Variants in HEMK2 observed in about 807,000 individuals in gnomAD.
The protein encoded by HEMK2 is methyltransferase HEMK2.
At chr21:28,613,346 A>G in the HEMK2 span, among the ~76,000 whole-genome samples, 13 of 152,070 alleles carry the variant, frequency 8.5e-5, no homozygotes, top group Non-Finnish European at 1.6e-4. Context: ...ACCTCCCTCC[A>G]TAATGTAACT....
chr21:28,622,446 C>G, the HEMK2 span, among the ~76,000 whole-genome samples: 1 of 152,148 alleles, frequency 6.6e-6, no homozygotes, highest in African/African-American at 2.4e-5. Flanking sequence ...ATCAAGTTAC[C>G]ATTGACTTTC....
the HEMK2 span, among the ~76,000 whole-genome samples, chr21:28,791,125 G>A: frequency 6.6e-6 from 1 of 152,176 alleles, no homozygotes; most frequent in Non-Finnish European, 1.5e-5. Flanking sequence ...TTGGCTGCAT[G>A]TTAATATTAC....
chr21:28,731,454 A>G, the HEMK2 span, among the ~76,000 whole-genome samples: 1 of 152,162 alleles, frequency 6.6e-6, no homozygotes, highest in African/African-American at 2.4e-5. Context: ...CATTTCAGGA[A>G]TGATGCTGCC....
the HEMK2 span, among the ~76,000 whole-genome samples, chr21:28,880,599 C>T: frequency 6.6e-6 from 1 of 151,890 alleles, no homozygotes; most frequent in Non-Finnish European, 1.5e-5. Flanking sequence ...AAAAACTAGT[C>T]GGGCACAGTG....
At chr21:28,716,477 T>G in the HEMK2 span, among the ~76,000 whole-genome samples, 15 of 152,362 alleles carry the variant, frequency 9.8e-5, no homozygotes, top group East Asian at 2.9e-3. Context: ...TTTTCTACTT[T>G]GATTTTGTAT....
At chr21:28,720,239 A>G in the HEMK2 span, among the ~76,000 whole-genome samples, 1 of 152,250 alleles carries the variant, frequency 6.6e-6, no homozygotes, top group Non-Finnish European at 1.5e-5. Context: ...ATGATCAGAT[A>G]GTGAACATAC....
the HEMK2 span, among the ~76,000 whole-genome samples, chr21:28,741,468 G>A: frequency 1.3e-5 from 2 of 152,086 alleles, no homozygotes; most frequent in African/African-American, 4.8e-5. Flanking sequence ...TGTCATGGGG[G>A]TTTGTTGTAC....
At chr21:28,603,549 A>ATGTGTGTGTGTGTGTGTG in the HEMK2 span, among the ~76,000 whole-genome samples, 262 of 135,802 alleles carry the variant, frequency 1.9e-3, 3 homozygotes, top group East Asian at 0.011. Flanking sequence ...GAGGATATAT[A>ATGTGTGTGTGTGTGTGTG]TGTGTGTGTG....
chr21:28,591,799 G>A, the HEMK2 span, among the ~76,000 whole-genome samples: 1 of 152,134 alleles, frequency 6.6e-6, no homozygotes, highest in Non-Finnish European at 1.5e-5. Context: ...AGGACATGGT[G>A]TATTTGGTTT....
the HEMK2 span, among the ~76,000 whole-genome samples, chr21:28,598,413 A>T: frequency 6.6e-6 from 1 of 152,200 alleles, no homozygotes; most frequent in African/African-American, 2.4e-5. Context: ...AAATCTCCAA[A>T]AATAACCCTC....
At chr21:28,786,442 G>C in the HEMK2 span, among the ~76,000 whole-genome samples, 3 of 152,088 alleles carry the variant, frequency 2.0e-5, no homozygotes, top group Non-Finnish European at 2.9e-5. Flanking sequence ...AGGCTGAGGC[G>C]GGCAGATTAC....
the HEMK2 span, among the ~76,000 whole-genome samples, chr21:28,738,342 T>C: frequency 6.6e-6 from 1 of 152,362 alleles, no homozygotes; most frequent in South Asian, 2.1e-4. Context: ...CTATTACATA[T>C]GTTGATCGCT....
the HEMK2 span, among the ~76,000 whole-genome samples, chr21:28,687,271 C>G: frequency 9.4e-3 from 1,433 of 152,308 alleles, 16 homozygotes; most frequent in Admixed American, 0.012. Context: ...GGCAAACATA[C>G]TGCACCTGGG....
At chr21:28,824,475 T>A in the HEMK2 span, among the ~76,000 whole-genome samples, 1 of 152,360 alleles carries the variant, frequency 6.6e-6, no homozygotes, top group East Asian at 1.9e-4. Flanking sequence ...AAACAGTTTT[T>A]ACAGATAGCA....
chr21:28,728,641 G>T, the HEMK2 span, among the ~76,000 whole-genome samples: 19 of 152,316 alleles, frequency 1.2e-4, no homozygotes, highest in African/African-American at 4.6e-4. Flanking sequence ...TCATGGGCCA[G>T]CTTGAATTTT....
chr21:28,792,694 T>C, the HEMK2 span, among the ~76,000 whole-genome samples: 1 of 152,188 alleles, frequency 6.6e-6, no homozygotes, highest in Non-Finnish European at 1.5e-5. Context: ...TAGAGTGACA[T>C]GGCAATGCTC....
chr21:28,846,526 T>C, the HEMK2 span, among the ~76,000 whole-genome samples: 1 of 152,220 alleles, frequency 6.6e-6, no homozygotes, highest in African/African-American at 2.4e-5. Flanking sequence ...TGTTGGGGTT[T>C]CAATTCGCAT....
chr21:28,831,462 C>CGAACGAAAGAAAGAAA, the HEMK2 span, among the ~76,000 whole-genome samples: 6 of 23,660 alleles, frequency 2.5e-4, no homozygotes, highest in African/African-American at 3.0e-4. Flanking sequence ...AAGAAAAGAA[C>CGAACGAAAGAAAGAAA]GAAAGAAAGA....
At chr21:28,624,547 T>A in the HEMK2 span, among the ~76,000 whole-genome samples, 1 of 152,220 alleles carries the variant, frequency 6.6e-6, no homozygotes, top group South Asian at 2.1e-4. Flanking sequence ...TAGGGCATGA[T>A]GACACCCACA....
Sources: allele counts gnomAD v4.1 joint callset (sites outside exome capture counted in the v4.1 genomes callset), GRCh38; gene constraint gnomAD v4.1.1; transcripts MANE v1.5; gene names NCBI Gene and HGNC (gene_info 2026-07-23, HGNC 2026-07-21).